PFKP: variants seen among roughly 807,000 people sequenced by gnomAD.
PFKP encodes the protein phosphofructokinase, platelet.
PFKP carries 101 observed loss-of-function variants against 94.3 expected under a neutral mutation model. The ratio of observed to expected loss-of-function variants is 1.07; its 90% CI spans 0.91 to 1.26. PFKP has a LOEUF of 1.26. Among genes scored for constraint, PFKP ranks in the 50% most tolerant of loss-of-function variants. The probability of loss-of-function intolerance (pLI) is 0.00; values close to 1 mark genes in which losing one functional copy is unlikely to be tolerated. For synonymous variants in PFKP, 573 were observed against 432.6 expected (o/e 1.32, Z -4.03); for missense variants, 1,145 against 1,103.3 (o/e 1.04, Z -0.53).
intron 1 of PFKP, chr10:3,068,526 G>T: frequency 3.6e-6 from 1 of 277,400 alleles, no homozygotes; most frequent in Non-Finnish European, 5.5e-6. Context: ...TGTCAGCGGC[G>T]CCGCGGCGCG....
Position 3,107,887 on chromosome 10 carries a change from T to A in PFKP, c.870+578T>A, listed in dbSNP as rs1343181723. ...CTGATACCATGGGCTGTGCCCCTGC[T>A]GTAGACGGGGCTGCAGGCTGCCGGG... On this transcript the variant is annotated intron_variant, in intron 8 of 21. Coordinates refer to ENST00000381125, the MANE Select transcript of PFKP (RefSeq NM_002627.5). 2.3e-6 allele frequency: 3 copies of A among 1,289,176 alleles called. No homozygotes were observed. The African/African-American group carries it at 4.6e-5, about 20-fold the overall frequency. 79.9% of individuals were successfully genotyped at this position (1,289,176 alleles called of 1,614,324 possible).
chr10:3,068,877 C>G (rs1254761923), intron 1 of PFKP: 1 of 210,870 alleles, frequency 4.7e-6, no homozygotes, highest in African/African-American at 2.3e-5. Flanking sequence ...TGGAAAGGCC[C>G]GGATGGCGGA....
chr10:3,122,912 C>T (rs1837570714), intron 16 of PFKP, among the ~76,000 whole-genome samples: 2 of 152,162 alleles, frequency 1.3e-5, no homozygotes, highest in Non-Finnish European at 2.9e-5. Flanking sequence ...GCGGAACGTC[C>T]CTCAGAGCAC....
intron 2 of PFKP, among the ~76,000 whole-genome samples, chr10:3,083,030 T>A (rs1833209560): frequency 6.6e-6 from 1 of 152,222 alleles, no homozygotes; most frequent in Admixed American, 6.5e-5. Context: ...CATGTTGATA[T>A]CAACTTCCTG....
chr10:3,084,183 G>C (rs1833304159), intron 2 of PFKP, among the ~76,000 whole-genome samples: 1 of 152,224 alleles, frequency 6.6e-6, no homozygotes, highest in African/African-American at 2.4e-5. Flanking sequence ...TCATCATGAT[G>C]GCTTGGGATG....
intron 10 of PFKP, among the ~76,000 whole-genome samples, chr10:3,111,194 G>A (rs987532835): frequency 2.8e-4 from 42 of 152,000 alleles, no homozygotes; most frequent in Non-Finnish European, 4.7e-4. Context: ...GTGAGAGGTA[G>A]TATGTGCCTG....
At position 3,136,436 on chromosome 10, in the gene PFKP, T is replaced by G. The variant is rs768852980; in HGVS notation, c.2226-14T>G. On this transcript the variant is annotated splice_polypyrimidine_tract_variant and intron_variant, in intron 21 of 21. Coordinates refer to ENST00000381125, the MANE Select transcript of PFKP (RefSeq NM_002627.5). ...GACTGCAGGCCTCACTGCTGTCTCC[T>G]CTTACCTCCACAGGCACAGGATTCC... is the stretch of plus-strand genomic sequence containing the variant. 1 of 1,613,332 alleles carries G rather than the reference T, an allele frequency of 6.2e-7. No homozygotes were observed. Among genetic ancestry groups the G allele is most frequent in the South Asian group, 1.1e-5 (1 of 91,022 alleles).
Sources: gnomAD v4.1 joint callset for allele counts (sites outside exome capture counted in the v4.1 genomes callset) on GRCh38, gnomAD v4.1.1 for gene constraint, MANE v1.5 for transcripts, NCBI Gene and HGNC (gene_info 2026-07-23, HGNC 2026-07-21) for gene names.